Variants in SNX29 observed in about 807,000 individuals in gnomAD.
SNX29 encodes sorting nexin 29.
In SNX29, 78 loss-of-function variants were observed where a neutral mutation model predicts 102.1. The observed-to-expected ratio is 0.76, with a 90% CI of 0.64 to 0.92. The LOEUF (loss-of-function observed/expected upper bound fraction) is 0.92. SNX29 is among the 40% of genes least tolerant of loss of function. The probability of loss-of-function intolerance (pLI) is 0.00; values close to 1 mark genes in which losing one functional copy is unlikely to be tolerated. For missense variants in SNX29, 1,280 were observed against 1,061.7 expected, an observed-to-expected ratio of 1.21 and a Z score of -2.86; for synonymous variants, 580 against 414.5, an observed-to-expected ratio of 1.40 and a Z score of -4.85.
intron 16 of SNX29, among the ~76,000 whole-genome samples, chr16:12,361,959 C>T (rs1381707128): frequency 6.6e-6 from 1 of 152,108 alleles, no homozygotes. Context: ...TGCGCCTATA[C>T]ATGTTAATAA....
rs568538924 is a variant in SNX29 at position 12,199,676 on chromosome 16, A to G, written c.1671A>G (p.Thr557=). The G allele has an allele frequency of 3.1e-6, 5 of 1,611,732 alleles. No individual in the cohort carries two copies. In the South Asian group the frequency reaches 3.3e-5, roughly 11 times the overall value. ...AGATGCTGAAAAGAGAAGGTCAAAC[A>G]GCTGAAGGTGAGGGGGAGCCTGAGC... ...AVQMLKREGQ[T]AEVPNLWSVD... The change falls in exon 14 of 21, where the codon ACA becomes ACG. Residue 557 remains threonine (T), a synonymous_variant. Transcript: ENST00000566228.
chr16:12,453,223 C>G (rs369116669), intron 18 of SNX29, among the ~76,000 whole-genome samples: 19 of 152,362 alleles, frequency 1.2e-4, no homozygotes, highest in African/African-American at 4.6e-4. Context: ...CTGTCCATGG[C>G]AGACGTGGCC....
chr16:12,089,715 G>T, intron 11 of SNX29: 1 of 219,622 alleles, frequency 4.6e-6, no homozygotes, highest in Non-Finnish European at 9.7e-6. Context: ...TTTATCCCAC[G>T]TACAATGGGA....
chr16:12,258,370 T>TC (rs1328900123), intron 14 of SNX29, among the ~76,000 whole-genome samples: 1 of 151,908 alleles, frequency 6.6e-6, no homozygotes, highest in Non-Finnish European at 1.5e-5. Context: ...GCCAGAACAT[T>TC]CCCCCCGTGA....
At chr16:12,205,611 T>TCTCTG (rs1445156155) in intron 14 of SNX29, among the ~76,000 whole-genome samples, 1 of 152,216 alleles carries the variant, frequency 6.6e-6, no homozygotes. Flanking sequence ...TCTTCCCTGG[T>TCTCTG]CTCTGTGTGG....
intron 20 of SNX29, among the ~76,000 whole-genome samples, chr16:12,547,059 T>C (rs2077650403): frequency 6.6e-6 from 1 of 152,136 alleles, no homozygotes; most frequent in African/African-American, 2.4e-5. Context: ...ACACAGACAT[T>C]GAATAGTGAG....
chr16:12,572,351 G>T lies in SNX29; in HGVS notation c.*3722G>T, dbSNP rs1662251062. 8.5e-6 allele frequency: 9 copies of T among 1,063,088 alleles called. 1 individual carries two copies. In the Admixed American group the frequency reaches 4.3e-4, roughly 51 times the overall value. 65.9% of individuals were successfully genotyped at this position (1,063,088 alleles called of 1,614,324 possible). A position where few individuals can be genotyped will look rare whatever the true frequency, so the allele number is the denominator to read the frequency against. On this transcript the variant is annotated 3_prime_UTR_variant, in exon 21 of 21. Coordinates refer to ENST00000566228, the MANE Select transcript of SNX29 (RefSeq NM_032167.5). Reference sequence around the variant, plus strand: ...AGCCCACCAGCCTGCCTGGTTGATGGACAGCAGGCTCTGCCTTCTGGAGGC... The same window carrying T: ...AGCCCACCAGCCTGCCTGGTTGATGTACAGCAGGCTCTGCCTTCTGGAGGC...
chr16:12,548,436 C>A (rs1357729768), intron 20 of SNX29, among the ~76,000 whole-genome samples: 1 of 152,220 alleles, frequency 6.6e-6, no homozygotes, highest in Admixed American at 6.5e-5. Flanking sequence ...TGCCACATCC[C>A]TGTACCATGG....
chr16:12,202,859 C>T (rs887655338), intron 14 of SNX29, among the ~76,000 whole-genome samples: 4 of 152,272 alleles, frequency 2.6e-5, no homozygotes, highest in Non-Finnish European at 5.9e-5. Flanking sequence ...AGAGCAGGTG[C>T]ATCACTTCAA....
chr16:12,302,536 C>T (rs974107030), intron 15 of SNX29, among the ~76,000 whole-genome samples: 4 of 152,154 alleles, frequency 2.6e-5, no homozygotes, highest in African/African-American at 9.7e-5. Context: ...ATGTTCTTGC[C>T]ATGTTCTCAC....
At chr16:12,258,951 C>G (rs1001814538) in intron 14 of SNX29, among the ~76,000 whole-genome samples, 12 of 152,196 alleles carry the variant, frequency 7.9e-5, no homozygotes, top group East Asian at 1.9e-4. Context: ...ACTATGATAG[C>G]CTGGTACAAA....
intron 14 of SNX29, among the ~76,000 whole-genome samples, chr16:12,240,166 C>A (rs997339164): frequency 1.3e-4 from 20 of 152,344 alleles, no homozygotes; most frequent in African/African-American, 4.8e-4. Context: ...GTTGTTATTA[C>A]TGCCATGGTG....
chr16:12,407,791 C>T (rs2084226806), intron 18 of SNX29, among the ~76,000 whole-genome samples: 1 of 152,160 alleles, frequency 6.6e-6, no homozygotes, highest in Non-Finnish European at 1.5e-5. Context: ...TTCTGTGTTA[C>T]TGAAGGAGGG....
chr16:12,330,382 G>T (rs158475), intron 15 of SNX29, among the ~76,000 whole-genome samples: 1 of 152,024 alleles, frequency 6.6e-6, no homozygotes, highest in Non-Finnish European at 1.5e-5. Context: ...CAGGAGAATC[G>T]CATGAACCCA....
intron 18 of SNX29, among the ~76,000 whole-genome samples, chr16:12,422,660 G>A (rs1017272627): frequency 2.0e-5 from 3 of 152,152 alleles, no homozygotes; most frequent in Admixed American, 2.0e-4. Flanking sequence ...ACTGTCCCAT[G>A]CTCTCAAGGT....
intron 12 of SNX29, among the ~76,000 whole-genome samples, chr16:12,127,044 G>A (rs2054242517): frequency 6.6e-6 from 1 of 151,992 alleles, no homozygotes; most frequent in African/African-American, 2.4e-5. Context: ...CAAGGCAGGT[G>A]GATCACAAGG....
chr16:12,544,808 T>C (rs536961857), intron 20 of SNX29, among the ~76,000 whole-genome samples: 4 of 152,326 alleles, frequency 2.6e-5, no homozygotes, highest in East Asian at 1.9e-4. Context: ...GAGACCAAAC[T>C]CTTGACCACT....
At position 12,109,150 on chromosome 16, in the gene SNX29, A is replaced by AAAG. The variant is rs1567213789; in HGVS notation, c.1403-17481_1403-17480insGAA. On this transcript the variant is annotated intron_variant, in intron 11 of 20. Transcript: ENST00000566228. ...CTCAAAAAAAAAAAAAAAAAAAAAA[A>AAAG]AAAAAGAAAAGGAATTTATTTCTTA... Among the ~76,000 whole-genome samples, 3 of 151,494 alleles carry AAAG rather than the reference A, an allele frequency of 2.0e-5. 1 individual carries two copies. The highest frequency in any genetic ancestry group is 7.3e-5 in the African/African-American group (3 of 41,292).
intron 9 of SNX29, among the ~76,000 whole-genome samples, chr16:12,064,657 G>A (rs1046426841): frequency 6.6e-6 from 1 of 152,214 alleles, no homozygotes; most frequent in African/African-American, 2.4e-5. Context: ...TCAGAGCCAG[G>A]GGAATGGGTA....
Sources: gnomAD v4.1 joint callset for allele counts (sites outside exome capture counted in the v4.1 genomes callset) on GRCh38, gnomAD v4.1.1 for gene constraint, MANE v1.5 for transcripts, NCBI Gene and HGNC (gene_info 2026-07-23, HGNC 2026-07-21) for gene names.